Variants in XKR9 observed in about 807,000 individuals in gnomAD.
The protein encoded by XKR9 is XK-related protein 9.
A neutral mutation model predicts 32.0 loss-of-function variants in XKR9; 32 were observed. The observed-to-expected ratio is 1.00, with a 90% CI of 0.76 to 1.34. The LOEUF is 1.34. Ranked by LOEUF, XKR9 falls within the 40% of genes most tolerant of loss-of-function variation. XKR9 has a pLI of 0.00. For missense variants in XKR9, 546 were observed against 429.7 expected (o/e 1.27, Z -2.39); for synonymous variants, 168 against 143.4 (o/e 1.17, Z -1.22).
chr8:70,670,607 C>A (rs1390840443), intron 1 of XKR9: 2 of 151,888 alleles, frequency 1.3e-5, no homozygotes, highest in East Asian at 3.9e-4. Flanking sequence ...TCTGCTCTTA[C>A]CTATTTTATG....
chr8:70,826,027 C>T, the XKR9 span, among the ~76,000 whole-genome samples: 2 of 152,048 alleles, frequency 1.3e-5, no homozygotes, highest in East Asian at 3.9e-4. Flanking sequence ...TAAACTAATT[C>T]AAAGAAAAAT....
chr8:70,824,423 G>A, the XKR9 span, among the ~76,000 whole-genome samples: 3 of 151,772 alleles, frequency 2.0e-5, no homozygotes, highest in African/African-American at 7.3e-5. Flanking sequence ...TTCTTATTTA[G>A]GTGTCTTTAT....
intron 2 of XKR9, among the ~76,000 whole-genome samples, chr8:70,757,485 C>T (rs13273718): frequency 0.33 from 50,234 of 151,850 alleles, 9,436 homozygotes; most frequent in Non-Finnish European, 0.43. Flanking sequence ...AAAAAAATTT[C>T]TATTTATTGG....
At chr8:70,777,062 C>T (rs1367788950) in intron 2 of XKR9, among the ~76,000 whole-genome samples, 1 of 150,988 alleles carries the variant, frequency 6.6e-6, no homozygotes, top group Non-Finnish European at 1.5e-5. Context: ...TACCCATCAA[C>T]TTGTTATTTA....
the XKR9 span, among the ~76,000 whole-genome samples, chr8:70,804,739 G>A: frequency 6.6e-6 from 1 of 152,114 alleles, no homozygotes; most frequent in East Asian, 1.9e-4. Flanking sequence ...TGGTATTGAA[G>A]CTAAATATAA....
intron 3 of XKR9, among the ~76,000 whole-genome samples, chr8:70,701,562 G>T (rs1006616797): frequency 9.2e-5 from 14 of 152,146 alleles, no homozygotes; most frequent in African/African-American, 3.4e-4. Flanking sequence ...TCAGGAAGTG[G>T]CAGAATACTG....
chr8:71,059,236 C>T, the XKR9 span, among the ~76,000 whole-genome samples: 2 of 152,148 alleles, frequency 1.3e-5, no homozygotes, highest in African/African-American at 4.8e-5. Context: ...CTCTGCTTTA[C>T]CTGTGGAAAA....
chr8:70,798,198 T>G, the XKR9 span, among the ~76,000 whole-genome samples: 1 of 152,030 alleles, frequency 6.6e-6, no homozygotes, highest in Non-Finnish European at 1.5e-5. Context: ...TTTTTTTTTC[T>G]GCAACCTTGC....
chr8:70,853,006 A>G, the XKR9 span, among the ~76,000 whole-genome samples: 2 of 152,186 alleles, frequency 1.3e-5, no homozygotes, highest in South Asian at 4.1e-4. Context: ...TAATATAAAA[A>G]AAGAAATAAA....
At chr8:70,686,244 T>A (rs1390603388) in intron 3 of XKR9, among the ~76,000 whole-genome samples, 19 of 147,112 alleles carry the variant, frequency 1.3e-4, no homozygotes, top group Non-Finnish European at 2.4e-4. Context: ...TCCATTCTTT[T>A]TTTTTTTTTT....
the XKR9 span, among the ~76,000 whole-genome samples, chr8:70,846,633 GA>G: frequency 6.6e-6 from 1 of 151,874 alleles, no homozygotes; most frequent in Non-Finnish European, 1.5e-5. Context: ...GATGCCTACA[GA>G]AACTCACTTC....
chr8:70,676,712 T>C (rs1369199442), intron 2 of XKR9, among the ~76,000 whole-genome samples: 1 of 152,164 alleles, frequency 6.6e-6, no homozygotes, highest in Non-Finnish European at 1.5e-5. Flanking sequence ...AAAAGTTGAC[T>C]CAAAACTGCT....
the XKR9 span, among the ~76,000 whole-genome samples, chr8:70,926,182 C>A: frequency 0.037 from 5,633 of 152,248 alleles, 163 homozygotes; most frequent in Non-Finnish European, 0.05. Flanking sequence ...TCAAGCGATT[C>A]TCCTGCCTCA....
the XKR9 span, among the ~76,000 whole-genome samples, chr8:71,018,663 AGCAG>A: frequency 6.6e-6 from 1 of 152,222 alleles, no homozygotes; most frequent in Non-Finnish European, 1.5e-5. Context: ...TTGAAGAATG[AGCAG>A]AGCTGTAAAG....
chr8:70,673,104 G>T (rs903911068), intron 1 of XKR9, among the ~76,000 whole-genome samples: 1 of 152,048 alleles, frequency 6.6e-6, no homozygotes, highest in Non-Finnish European at 1.5e-5. Context: ...AGTCGTATGT[G>T]CTTTTGAGGT....
At chr8:70,922,214 C>G in the XKR9 span, among the ~76,000 whole-genome samples, 31 of 152,204 alleles carry the variant, frequency 2.0e-4, no homozygotes, top group African/African-American at 7.0e-4. Flanking sequence ...TTTCTCCCTT[C>G]CTGATTCCAA....
chr8:70,690,638 C>G (rs550397065), intron 3 of XKR9, among the ~76,000 whole-genome samples: 1 of 151,706 alleles, frequency 6.6e-6, no homozygotes, highest in East Asian at 1.9e-4. Context: ...CGTGAGCCAC[C>G]GTGCCTGGCC....
the XKR9 span, among the ~76,000 whole-genome samples, chr8:70,846,142 A>T: frequency 6.6e-6 from 1 of 152,138 alleles, no homozygotes; most frequent in Admixed American, 6.5e-5. Context: ...GAATAAGATG[A>T]TATATTCAAA....
the XKR9 span, among the ~76,000 whole-genome samples, chr8:71,027,093 A>G: frequency 6.6e-6 from 1 of 152,110 alleles, no homozygotes; most frequent in Non-Finnish European, 1.5e-5. Context: ...TTATTATTGT[A>G]TGTCAAAAGG....
Sources: gnomAD v4.1 joint callset for allele counts (sites outside exome capture counted in the v4.1 genomes callset) on GRCh38, gnomAD v4.1.1 for gene constraint, MANE v1.5 for transcripts, NCBI Gene and HGNC (gene_info 2026-07-23, HGNC 2026-07-21) for gene names.